The following SMG6 variants were observed in gnomAD, a reference collection of about 807,000 sequenced individuals.
SMG6 encodes telomerase-binding protein EST1A.
A neutral mutation model predicts 142.2 loss-of-function variants in SMG6; 66 were observed. The ratio of observed to expected loss-of-function variants is 0.46; its 90% CI spans 0.38 to 0.57. The LOEUF is 0.57. SMG6 is among the 20% of genes least tolerant of loss of function. SMG6 has a pLI of 0.00. For synonymous variants in SMG6, 779 were observed against 702.4 expected, an observed-to-expected ratio of 1.11 and a Z score of -1.72; for missense variants, 1,793 against 1,832.0, an observed-to-expected ratio of 0.98 and a Z score of 0.39.
chr17:2,151,924 T>C (rs898413262), intron 13 of SMG6, among the ~76,000 whole-genome samples: 2 of 152,200 alleles, frequency 1.3e-5, no homozygotes, highest in African/African-American at 4.8e-5. Context: ...GATGGTTGTT[T>C]GGAAAAGAGT....
chr17:2,236,777 TC>T, intron 9 of SMG6, 140 bp from the exon 10 acceptor site: 1 of 1,343,914 alleles, frequency 7.4e-7, no homozygotes, highest in South Asian at 2.3e-5. Context: ...CTAGGACATT[TC>T]TTTGCTACTT....
intron 11 of SMG6, 44 bp from the exon 12 acceptor site, chr17:2,186,875 C>A (rs757583123): frequency 6.3e-7 from 1 of 1,596,868 alleles, no homozygotes; most frequent in Non-Finnish European, 8.5e-7. Context: ...TCTGCTGTAG[C>A]CCCCGAGTGA....
chr17:2,205,101 C>A (rs1158364446), intron 10 of SMG6, among the ~76,000 whole-genome samples: 2 of 152,032 alleles, frequency 1.3e-5, no homozygotes, highest in African/African-American at 2.4e-5. Context: ...CTGAGTCTCG[C>A]TTTGTCACCC....
chr17:2,242,358 A>G, intron 9 of SMG6, among the ~76,000 whole-genome samples: 1 of 5,968 alleles, frequency 1.7e-4, no homozygotes, highest in Non-Finnish European at 2.7e-4. Flanking sequence ...TGAAGATACA[A>G]AAAAAAAAAA....
In SMG6 at chr17:2,209,721, G is replaced by A. The variant is rs560840299; in HGVS notation, c.2870-21206C>T. Among the ~76,000 whole-genome samples, 43 of 152,164 alleles carry A rather than the reference G, an allele frequency of 2.8e-4. No individual in the cohort carries two copies. In the East Asian group the frequency reaches 6.4e-3, roughly 23 times the overall value. On this transcript the variant is annotated intron_variant, in intron 10 of 18. Transcript: ENST00000263073. The stretch of plus-strand genomic sequence containing the variant: ...TCACCATGTTGGCCAGCCTGGTCTC[G>A]AACTCCTGACCTTAATGACCCACCT...
At chr17:2,120,224 A>G in intron 13 of SMG6, among the ~76,000 whole-genome samples, 1 of 152,278 alleles carries the variant, frequency 6.6e-6, no homozygotes, top group Non-Finnish European at 1.5e-5. Context: ...ATGAAAATTA[A>G]AACCTTTTGC....
intron 13 of SMG6, among the ~76,000 whole-genome samples, chr17:2,126,948 G>GCA (rs1274081026): frequency 3.8e-4 from 58 of 151,382 alleles, no homozygotes; most frequent in African/African-American, 5.8e-4. Context: ...GCGCACACAT[G>GCA]CACACACACA....
intron 12 of SMG6, among the ~76,000 whole-genome samples, chr17:2,175,476 G>A (rs187474895): frequency 6.6e-6 from 1 of 152,084 alleles, no homozygotes; most frequent in Admixed American, 6.5e-5. Flanking sequence ...AGAAATATGT[G>A]GTACCATGTG....
chr17:2,153,896 G>A (rs560811699), intron 13 of SMG6, among the ~76,000 whole-genome samples: 165 of 145,182 alleles, frequency 1.1e-3, no homozygotes, highest in African/African-American at 3.9e-3. Flanking sequence ...GGAACCTGGG[G>A]AGGCACGTAG....
intron 13 of SMG6, among the ~76,000 whole-genome samples, chr17:2,153,249 C>T (rs2070881939): frequency 6.6e-6 from 1 of 151,994 alleles, no homozygotes; most frequent in African/African-American, 2.4e-5. Flanking sequence ...CCAATGTGGC[C>T]CAGGGAAGCC....
At chr17:2,131,562 T>C (rs914357106) in intron 13 of SMG6, among the ~76,000 whole-genome samples, 9 of 152,190 alleles carry the variant, frequency 5.9e-5, no homozygotes, top group African/African-American at 2.2e-4. Context: ...TCTCCCAAAA[T>C]GCTGGGGGAT....
At chr17:2,200,570 TG>T (rs1307836459) in intron 10 of SMG6, among the ~76,000 whole-genome samples, 1 of 152,050 alleles carries the variant, frequency 6.6e-6, no homozygotes, top group Admixed American at 6.6e-5. Context: ...CTTGTTTTGT[TG>T]ACCAAGCTGG....
At chr17:2,181,563 C>T (rs923649128) in intron 12 of SMG6, among the ~76,000 whole-genome samples, 12 of 152,250 alleles carry the variant, frequency 7.9e-5, no homozygotes, top group Admixed American at 7.2e-4. Flanking sequence ...TCCACAGCTA[C>T]GGTAACGTAT....
chr17:2,102,316 A>G (rs1489131924), intron 13 of SMG6, among the ~76,000 whole-genome samples: 1 of 152,146 alleles, frequency 6.6e-6, no homozygotes, highest in Non-Finnish European at 1.5e-5. Flanking sequence ...TCAAATACTT[A>G]TCATTTTATT....
chr17:2,221,308 C>T (rs1312787049), intron 10 of SMG6, among the ~76,000 whole-genome samples: 2 of 152,006 alleles, frequency 1.3e-5, no homozygotes, highest in East Asian at 1.9e-4. Flanking sequence ...ATGGAGCTCT[C>T]GGGACATCTG....
intron 10 of SMG6, among the ~76,000 whole-genome samples, chr17:2,201,759 C>T (rs1315425033): frequency 6.6e-6 from 1 of 151,852 alleles, no homozygotes; most frequent in East Asian, 1.9e-4. Flanking sequence ...TGCGGTGGCT[C>T]ATGGCTGTAA....
chr17:2,149,156 C>T (rs1045488518), intron 13 of SMG6, among the ~76,000 whole-genome samples: 1 of 151,922 alleles, frequency 6.6e-6, no homozygotes. Flanking sequence ...TCGAGACCAG[C>T]CTGGCCAACA....
chr17:2,204,726 T>C (rs573144132), intron 10 of SMG6, among the ~76,000 whole-genome samples: 4 of 152,302 alleles, frequency 2.6e-5, no homozygotes, highest in South Asian at 4.1e-4. Context: ...CACTTTGGGA[T>C]GCGAGGTAGG....
intron 10 of SMG6, among the ~76,000 whole-genome samples, chr17:2,225,582 C>T (rs906631035): frequency 2.6e-5 from 4 of 151,982 alleles, no homozygotes; most frequent in Non-Finnish European, 2.9e-5. Context: ...CCAAAAATAA[C>T]GATAACTTGT....
Sources: gnomAD v4.1 joint callset for allele counts (sites outside exome capture counted in the v4.1 genomes callset) on GRCh38, gnomAD v4.1.1 for gene constraint, MANE v1.5 for transcripts, NCBI Gene and HGNC (gene_info 2026-07-23, HGNC 2026-07-21) for gene names.